The following CDH18 variants were observed in gnomAD, a reference collection of about 807,000 sequenced individuals.
CDH18 encodes the protein cadherin 18, also known as cadherin-18.
CDH18 carries 31 observed loss-of-function variants against 67.9 expected under a neutral mutation model. The observed-to-expected ratio is 0.46, with a 90% CI of 0.34 to 0.62. The LOEUF is 0.62. CDH18 is among the 20% of genes least tolerant of loss of function. CDH18 has a pLI of 0.01. For synonymous variants in CDH18, 362 were observed against 347.2 expected, an observed-to-expected ratio of 1.04 and a Z score of -0.48; for missense variants, 890 against 975.5, an observed-to-expected ratio of 0.91 and a Z score of 1.17.
chr5:19,704,997 A>G (rs1471538687), intron 5 of CDH18, among the ~76,000 whole-genome samples: 1 of 152,196 alleles, frequency 6.6e-6, no homozygotes, highest in African/African-American at 2.4e-5. Context: ...GTTTGCATTT[A>G]CAATTCCTGC....
At chr5:19,903,539 G>GTATATATATATATA (rs1442013514) in intron 2 of CDH18, among the ~76,000 whole-genome samples, 2 of 30,506 alleles carry the variant, frequency 6.6e-5, no homozygotes, top group African/African-American at 1.8e-4. Flanking sequence ...CTGTGTGTGT[G>GTATATATATATATA]TGTATATATA....
At chr5:19,817,390 T>C (rs1779405466) in intron 3 of CDH18, among the ~76,000 whole-genome samples, 1 of 151,974 alleles carries the variant, frequency 6.6e-6, no homozygotes, top group Admixed American at 6.6e-5. Flanking sequence ...GATATACCAA[T>C]ATGTGTGCTA....
intron 1 of CDH18, among the ~76,000 whole-genome samples, chr5:20,575,236 G>T (rs1317998817): frequency 1.3e-5 from 2 of 151,358 alleles, no homozygotes; most frequent in Non-Finnish European, 2.9e-5. Flanking sequence ...ACAATGTAGT[G>T]ACCTTATTTT....
intron 2 of CDH18, among the ~76,000 whole-genome samples, chr5:19,927,594 AATT>A (rs1165035628): frequency 6.6e-5 from 10 of 152,270 alleles, no homozygotes; most frequent in African/African-American, 2.4e-4. Context: ...CATATATATA[AATT>A]ATTATGATGT....
intron 2 of CDH18, among the ~76,000 whole-genome samples, chr5:20,037,134 T>C (rs1038838610): frequency 6.6e-6 from 1 of 152,108 alleles, no homozygotes; most frequent in Non-Finnish European, 1.5e-5. Flanking sequence ...AATATTGTTA[T>C]GTGTGAATTT....
At chr5:20,108,071 T>C (rs1031818544) in intron 2 of CDH18, among the ~76,000 whole-genome samples, 1 of 151,712 alleles carries the variant, frequency 6.6e-6, no homozygotes, top group Non-Finnish European at 1.5e-5. Flanking sequence ...TTTTTGTTTG[T>C]TTCTTTTGTG....
At chr5:19,488,629 C>G (rs553345606) in intron 11 of CDH18, among the ~76,000 whole-genome samples, 119 of 152,206 alleles carry the variant, frequency 7.8e-4, no homozygotes, top group African/African-American at 2.8e-3. Flanking sequence ...ATGCATCAAA[C>G]AATGGTGTTT....
chr5:20,400,757 A>G lies in CDH18; in HGVS notation c.-579-145252T>C, dbSNP rs148333353. 4.1e-3 allele frequency among the ~76,000 whole-genome samples: 617 copies of G among 152,244 alleles called. 7 individuals carry two copies. The highest frequency in any genetic ancestry group is 0.021 in the South Asian group (100 of 4,832). On this transcript the variant is annotated intron_variant, in intron 1 of 14. Coordinates refer to the CDH18 transcript ENST00000507958. ...AGACCCTGCACTTCCCTACAAACCT[A>G]TGTTTTCATCAAAAGCCAAGTAATC...
chr5:20,117,022 T>TGA (rs1554092431), intron 2 of CDH18, among the ~76,000 whole-genome samples: 1 of 143,874 alleles, frequency 7.0e-6, no homozygotes, highest in African/African-American at 2.9e-5. Flanking sequence ...TGTGTGTGTG[T>TGA]GTGTGTGAGT....
intron 2 of CDH18, among the ~76,000 whole-genome samples, chr5:19,927,430 T>A (rs1324827324): frequency 6.6e-6 from 1 of 152,164 alleles, no homozygotes; most frequent in Non-Finnish European, 1.5e-5. Flanking sequence ...CTTCAAAGCA[T>A]CAGAAATTGA....
At chr5:19,960,878 A>T (rs1196610987) in intron 2 of CDH18, among the ~76,000 whole-genome samples, 1 of 150,516 alleles carries the variant, frequency 6.6e-6, no homozygotes, top group Non-Finnish European at 1.5e-5. Context: ...TAAAAACTAT[A>T]CTGCAGTAAA....
chr5:19,660,775 A>C (rs1757044039), intron 5 of CDH18, among the ~76,000 whole-genome samples: 1 of 152,040 alleles, frequency 6.6e-6, no homozygotes, highest in South Asian at 2.1e-4. Context: ...GCATCAGTGT[A>C]AGTGTATGTG....
intron 1 of CDH18, among the ~76,000 whole-genome samples, chr5:20,468,429 T>C (rs2150234803): frequency 6.6e-6 from 1 of 152,340 alleles, no homozygotes; most frequent in South Asian, 2.1e-4. Flanking sequence ...TTCCCTCTTT[T>C]AGAATGATTT....
At chr5:19,912,511 T>C (rs1161175530) in intron 2 of CDH18, among the ~76,000 whole-genome samples, 20 of 152,158 alleles carry the variant, frequency 1.3e-4, no homozygotes, top group African/African-American at 4.8e-4. Flanking sequence ...CAAAACTTAG[T>C]TGAGTGATCA....
chr5:19,636,465 T>C (rs1753164592), intron 5 of CDH18, among the ~76,000 whole-genome samples: 1 of 152,058 alleles, frequency 6.6e-6, no homozygotes, highest in Non-Finnish European at 1.5e-5. Flanking sequence ...TTCAATTGTT[T>C]GTAAATATTC....
chr5:19,752,620 A>G (rs968659712), intron 3 of CDH18, among the ~76,000 whole-genome samples: 2 of 152,148 alleles, frequency 1.3e-5, no homozygotes, highest in African/African-American at 2.4e-5. Context: ...CAAAGGGCAT[A>G]TACTTTTGGG....
intron 2 of CDH18, among the ~76,000 whole-genome samples, chr5:20,235,701 GTGGAGAGTAGTT>G (rs1742426337): frequency 6.6e-6 from 1 of 152,184 alleles, no homozygotes; most frequent in Admixed American, 6.5e-5. Context: ...TTCAGTCAGT[GTGGAGAGTAGTT>G]TGGAGATATC....
chr5:20,471,833 T>TAAAAAAAAAAAAAA (rs70954659), intron 1 of CDH18, among the ~76,000 whole-genome samples: 3 of 51,488 alleles, frequency 5.8e-5, no homozygotes, highest in Admixed American at 5.5e-4. Flanking sequence ...AGATTCAGTC[T>TAAAAAAAAAAAAAA]AAAAAAAAAA....
At chr5:20,365,297 GACC>G (rs1486509617) in intron 1 of CDH18, among the ~76,000 whole-genome samples, 1 of 152,078 alleles carries the variant, frequency 6.6e-6, no homozygotes, top group Non-Finnish European at 1.5e-5. Flanking sequence ...CCATTCTCAT[GACC>G]ACATCTAATT....
Sources: gnomAD v4.1 joint callset for allele counts (sites outside exome capture counted in the v4.1 genomes callset) on GRCh38, gnomAD v4.1.1 for gene constraint, MANE v1.5 for transcripts, NCBI Gene and HGNC (gene_info 2026-07-23, HGNC 2026-07-21) for gene names.